MYOF: variants seen among roughly 807,000 people sequenced by gnomAD.
MYOF encodes myoferlin, also known as fer-1-like 3, myoferlin.
MYOF carries 244 observed loss-of-function variants against 284.2 expected under a neutral mutation model. The observed-to-expected ratio is 0.86, with a 90% confidence interval of 0.77 to 0.95. The LOEUF (loss-of-function observed/expected upper bound fraction) is 0.95, where lower values mean the gene tolerates loss of function less well. MYOF is among the 40% of genes least tolerant of loss of function. The pLI is 0.00. For missense variants in MYOF, 2,496 were observed against 2,560.6 expected (o/e 0.97, Z 0.54); for synonymous variants, 904 against 919.7 (o/e 0.98, Z 0.31).
intron 3 of MYOF, among the ~76,000 whole-genome samples, chr10:93,448,535 T>A (rs2056501104): frequency 6.6e-6 from 1 of 152,178 alleles, no homozygotes; most frequent in African/African-American, 2.4e-5. Context: ...CTTTAAACCA[T>A]AGATGAGAGT....
At chr10:93,307,508 G>T (rs1032908262) in intron 53 of MYOF, among the ~76,000 whole-genome samples, 2 of 151,942 alleles carry the variant, frequency 1.3e-5, no homozygotes, top group Non-Finnish European at 2.9e-5. Context: ...CACTGTGTTA[G>T]CCAGGATGGA....
chr10:93,440,702 A>G (rs1365315870), intron 3 of MYOF, among the ~76,000 whole-genome samples: 1 of 152,158 alleles, frequency 6.6e-6, no homozygotes, highest in African/African-American at 2.4e-5. Flanking sequence ...AGATAGTCCA[A>G]TGACCTTGCA....
At chr10:93,476,180 C>T (rs891764532) in intron 1 of MYOF, among the ~76,000 whole-genome samples, 3 of 151,536 alleles carry the variant, frequency 2.0e-5, no homozygotes, top group Admixed American at 2.0e-4. Context: ...GGGGAACGCA[C>T]CAAGTGCCTG....
At chr10:93,439,956 T>C (rs1182249241) in intron 3 of MYOF, among the ~76,000 whole-genome samples, 1 of 152,218 alleles carries the variant, frequency 6.6e-6, no homozygotes, top group East Asian at 1.9e-4. Context: ...CTACATTAAA[T>C]AGCCCTTCCC....
chr10:93,396,070 C>A lies in MYOF; in HGVS notation c.1417+72G>T, dbSNP rs1846992959. On this transcript the variant is annotated intron_variant, in intron 16 of 53. Coordinates refer to ENST00000359263, the MANE Select transcript of MYOF (RefSeq NM_013451.4). ...CAAACCTACTGTGAGGTGGCTACCC[C>A]AGTTCATTTTTTTCTCAGACTGGAG... 2.3e-5 allele frequency: 27 copies of A among 1,186,880 alleles called. No homozygotes were observed. In the South Asian group the frequency reaches 3.8e-4, roughly 17 times the overall value. 73.5% of individuals were successfully genotyped at this position (1,186,880 alleles called of 1,614,324 possible).
chr10:93,424,176 C>A (rs149882230), intron 5 of MYOF, among the ~76,000 whole-genome samples: 1 of 152,278 alleles, frequency 6.6e-6, no homozygotes, highest in Non-Finnish European at 1.5e-5. Flanking sequence ...GACAGCAGAC[C>A]TAGGAAACTA....
Position 93,319,945 on chromosome 10 carries a change from C to T in MYOF, c.5525G>A (p.Gly1842Glu). 1 of 1,614,162 alleles carries T rather than the reference C, an allele frequency of 6.2e-7. No homozygotes were observed. Among genetic ancestry groups the T allele is most frequent in the Non-Finnish European group, 8.5e-7 (1 of 1,180,014 alleles). Residue 1842 changes from glycine to glutamate, a missense_variant, in exon 49 of 54, where the codon GGG becomes GAG. By Grantham distance (98) the Gly-to-Glu change is moderately conservative. Transcript: ENST00000359263. ...GAAAACAAATCGCCAGTTAAAATTCCCTTCACCATCCAAAGATCTGTAATG... is the reference window on the plus strand; with the variant it reads ...GAAAACAAATCGCCAGTTAAAATTCTCTTCACCATCCAAAGATCTGTAATG... ...DVHYRSLDGE[G>E]NFNWRFVFPF...
chr10:93,390,460 G>C (rs547770902), intron 17 of MYOF, among the ~76,000 whole-genome samples: 1 of 152,176 alleles, frequency 6.6e-6, no homozygotes, highest in Non-Finnish European at 1.5e-5. Flanking sequence ...TAACAGCCTA[G>C]GATGCCACAT....
chr10:93,395,805 G>C (rs1207775309), intron 16 of MYOF, among the ~76,000 whole-genome samples: 1 of 151,710 alleles, frequency 6.6e-6, no homozygotes, highest in East Asian at 1.9e-4. Flanking sequence ...CTAGCTCTCT[G>C]TATTGACACA....
At chr10:93,375,565 T>C (rs1311850756) in intron 22 of MYOF, among the ~76,000 whole-genome samples, 1 of 152,238 alleles carries the variant, frequency 6.6e-6, no homozygotes, top group Non-Finnish European at 1.5e-5. Flanking sequence ...TCTTGACCAG[T>C]CACTTACTTC....
In MYOF at chr10:93,328,927, C is replaced by T. The variant is rs976108795; in HGVS notation, c.4983-16G>A. The T allele has an allele frequency of 5.7e-6, 9 of 1,583,554 alleles. No individual in the cohort carries two copies. Among genetic ancestry groups the T allele is most frequent in the Admixed American group, 3.4e-5 (2 of 59,630 alleles). On this transcript the variant is annotated splice_polypyrimidine_tract_variant and intron_variant, in intron 44 of 53. Transcript: ENST00000359263. ...GACTCCAGAACTGTGAATAGCATCACGTGGCTCGGAGTTACGGAGGAGCCT... is the reference window on the plus strand; with the variant it reads ...GACTCCAGAACTGTGAATAGCATCATGTGGCTCGGAGTTACGGAGGAGCCT...
chr10:93,442,194 G>C (rs1056292524), intron 3 of MYOF, among the ~76,000 whole-genome samples: 1 of 152,120 alleles, frequency 6.6e-6, no homozygotes, highest in African/African-American at 2.4e-5. Context: ...TTGAAGATCA[G>C]ACTGTCTGAC....
chr10:93,381,502 T>A, intron 19 of MYOF, 106 bp from the exon 20 acceptor site: 2 of 1,156,938 alleles, frequency 1.7e-6, no homozygotes, highest in Non-Finnish European at 2.5e-6. Context: ...AGTGCTGAAT[T>A]AAATGACAGG....
rs1320989716 is a variant in MYOF at position 93,402,342 on chromosome 10, C to T, written c.880G>A (p.Ala294Thr). Residue 294 changes from alanine to threonine, a missense_variant, in exon 11 of 54, where the codon GCT becomes ACT. Around this residue, in one of 3 missense-constraint regions of MYOF, gnomAD observed 2,436 missense variants for 2,480.7 expected, o/e 0.98. Transcript: ENST00000359263. Reference sequence around the variant, plus strand: ...AGAAGAAGCCACTTTCTCATGACAGCATGGCCTAAAATAGAGAAGGAGTAA... The same window carrying T: ...AGAAGAAGCCACTTTCTCATGACAGTATGGCCTAAAATAGAGAAGGAGTAA... ...VGFVYDEPGH[A>T]VMRKWLLLND... 6 of 1,612,652 alleles carry T rather than the reference C, an allele frequency of 3.7e-6. No individual in the cohort carries two copies. The highest frequency in any genetic ancestry group is 1.7e-5 in the Admixed American group (1 of 60,008).
In MYOF at chr10:93,351,675, T is replaced by G; in HGVS notation, c.3653A>C (p.Asn1218Thr). The change falls in exon 33 of 54, where the codon AAT becomes ACT. Residue 1218 changes from asparagine to threonine, a missense_variant. Physicochemically the swap from Asn to Thr is moderately conservative, Grantham distance 65 (BLOSUM62 0). Coordinates refer to ENST00000359263, the MANE Select transcript of MYOF (RefSeq NM_013451.4). The part of the protein sequence containing the change: ...PPKVIMELFD[N>T]DQVGKDEFLG... ...TTCTAAACGACCTACCACTTGGTCATTGTCAAAAAGTTCCATGATAACTTT... is the reference window on the plus strand; with the variant it reads ...TTCTAAACGACCTACCACTTGGTCAGTGTCAAAAAGTTCCATGATAACTTT... The G allele has an allele frequency of 6.3e-7, 1 of 1,585,988 alleles. No homozygotes were observed.
intron 45 of MYOF, among the ~76,000 whole-genome samples, chr10:93,328,184 C>G (rs768523712): frequency 2.6e-5 from 4 of 152,192 alleles, no homozygotes; most frequent in African/African-American, 7.2e-5. Flanking sequence ...GCCACCGCCC[C>G]CTCTGGGTAA....
intron 17 of MYOF, among the ~76,000 whole-genome samples, chr10:93,391,381 C>T (rs1846667556): frequency 6.6e-6 from 1 of 151,784 alleles, no homozygotes; most frequent in Non-Finnish European, 1.5e-5. Flanking sequence ...ACCTGAGGTT[C>T]AGGAGTTCTA....
intron 22 of MYOF, among the ~76,000 whole-genome samples, chr10:93,375,730 C>G (rs183035749): frequency 6.6e-6 from 1 of 152,188 alleles, no homozygotes; most frequent in Non-Finnish European, 1.5e-5. Flanking sequence ...TTTATTATCA[C>G]CATCATCTCA....
At chr10:93,386,530 T>A (rs1255693201) in intron 19 of MYOF, among the ~76,000 whole-genome samples, 1 of 152,148 alleles carries the variant, frequency 6.6e-6, no homozygotes, top group Non-Finnish European at 1.5e-5. Flanking sequence ...TGATGCTAGG[T>A]TCCTTCCTGA....
Sources: gnomAD v4.1 joint callset for allele counts (sites outside exome capture counted in the v4.1 genomes callset) on GRCh38, gnomAD v4.1.1 for gene constraint, gnomAD v4.1.1 regional missense constraint, MANE v1.5 for transcripts, NCBI Gene and HGNC (gene_info 2026-07-23, HGNC 2026-07-21) for gene names.